Variants in USP24 observed in about 807,000 individuals in gnomAD.
The protein encoded by USP24 is ubiquitin specific peptidase 24.
A neutral mutation model predicts 361.6 loss-of-function variants in USP24; 97 were observed. The observed-to-expected ratio is 0.27, with a 90% CI of 0.23 to 0.32. The LOEUF (loss-of-function observed/expected upper bound fraction) is 0.32. Among genes scored for constraint, USP24 ranks in the 10% least tolerant of loss-of-function variants. The probability of loss-of-function intolerance (pLI) is 1.00; values close to 1 mark genes in which losing one functional copy is unlikely to be tolerated. For synonymous variants in USP24, 1,098 were observed against 1,124.6 expected, an observed-to-expected ratio of 0.98 and a Z score of 0.47; for missense variants, 2,353 against 3,165.6, an observed-to-expected ratio of 0.74 and a Z score of 6.16.
chr1:55,130,419 G>A (rs1646557888), intron 31 of USP24, among the ~76,000 whole-genome samples: 1 of 152,118 alleles, frequency 6.6e-6, no homozygotes, highest in Non-Finnish European at 1.5e-5. Context: ...CAAGTACTCA[G>A]TAAACAACTG....
intron 1 of USP24, 37 bp from the exon 2 acceptor site, chr1:55,178,169 CTAAT>C (rs1650179843): frequency 1.3e-6 from 2 of 1,485,370 alleles, no homozygotes; most frequent in Non-Finnish European, 9.1e-7. Flanking sequence ...GCAAATAAAA[CTAAT>C]TAGTGATTAC....
Position 55,094,101 on chromosome 1 carries a change from T to A in USP24, c.6204-14A>T. 6.2e-7 allele frequency: 1 copy of A among 1,607,074 alleles called. No homozygotes were observed. Among genetic ancestry groups the A allele is most frequent in the Non-Finnish European group, 8.5e-7 (1 of 1,176,736 alleles). ...GATGGAGCTGACCTAAGAGATAGAA[T>A]CAGAAAACTCTGTCTAGTATAAAGT... On this transcript the variant is annotated splice_polypyrimidine_tract_variant and intron_variant, in intron 51 of 67. Coordinates refer to ENST00000294383, the MANE Select transcript of USP24 (RefSeq NM_015306.3).
Position 55,147,651 on chromosome 1 carries a change from C to G in USP24, c.2116G>C (p.Glu706Gln). The change falls in exon 18 of 68, where the codon GAG becomes CAG. Residue 706 changes from glutamate (E) to glutamine (Q), a missense_variant and splice_region_variant. Physicochemically the swap from Glu to Gln is conservative, Grantham distance 29. Transcript: ENST00000294383. ...AGCAAAAACACAAGGCCTGATACCTCCCGGTAAGTGTACCGGCCATCCACT... is the reference window on the plus strand; with the variant it reads ...AGCAAAAACACAAGGCCTGATACCTGCCGGTAAGTGTACCGGCCATCCACT... The part of the protein sequence containing the change: ...TLVDGRYTYR[E>Q]YLEAHLKFLA... The G allele has an allele frequency of 1.2e-6, 2 of 1,604,966 alleles. No individual in the cohort carries two copies. The highest frequency in any genetic ancestry group is 1.7e-5 in the Admixed American group (1 of 58,128).
In USP24 at chr1:55,166,036, A is replaced by G. The variant is rs927244628; in HGVS notation, c.862-86T>C. The stretch of plus-strand genomic sequence containing the variant: ...ATTTCTATTGGTACATAGTAGGTGT[A>G]TATGTTTATGGGGCACACGAGATGT... On this transcript the variant is annotated intron_variant, in intron 6 of 67. Coordinates refer to ENST00000294383, the MANE Select transcript of USP24 (RefSeq NM_015306.3). 8 of 1,250,288 alleles carry G rather than the reference A, an allele frequency of 6.4e-6. No homozygotes were observed. The East Asian group carries it at 1.1e-4, about 16-fold the overall frequency. 77.4% of individuals were successfully genotyped at this position (1,250,288 alleles called of 1,614,324 possible).
intron 32 of USP24, among the ~76,000 whole-genome samples, chr1:55,126,393 G>A (rs1646430464): frequency 1.3e-5 from 2 of 151,918 alleles, no homozygotes; most frequent in Admixed American, 6.5e-5. Flanking sequence ...CATAGCCCCC[G>A]AATCCCTGCT....
At position 55,113,014 on chromosome 1, in the gene USP24, T is replaced by A. The variant is rs148108698; in HGVS notation, c.4509-2768A>T. ...TGTTGCATTGATATCTTTACCATTGTGTAATGCCCTTCTTTGTCTTTTTTT... is the reference window on the plus strand; with the variant it reads ...TGTTGCATTGATATCTTTACCATTGAGTAATGCCCTTCTTTGTCTTTTTTT... On this transcript the variant is annotated intron_variant, in intron 38 of 67. Transcript: ENST00000294383. Among the ~76,000 whole-genome samples, 132 of 152,332 alleles carry A rather than the reference T, an allele frequency of 8.7e-4. 1 individual carries two copies. Among genetic ancestry groups the A allele is most frequent in the Admixed American group, 2.0e-3 (30 of 15,304 alleles).
rs200720618 is a variant in USP24, at chr1:55,079,900, AACTCGCACACAGAGT to A, written c.7079-256_7079-242del. On this transcript the variant is annotated intron_variant, in intron 59 of 67. Coordinates refer to ENST00000294383, the MANE Select transcript of USP24 (RefSeq NM_015306.3). Reference sequence around the variant, plus strand: ...ACACACAGTACTCGCACACACAGAGAACTCGCACACAGAGTACTCGCACACACACTGAGTACTCAC... The same window carrying A: ...ACACACAGTACTCGCACACACAGAGAACTCGCACACACACTGAGTACTCAC... Among the ~76,000 whole-genome samples, 202 of 151,738 alleles carry A rather than the reference AACTCGCACACAGAGT, an allele frequency of 1.3e-3. 1 individual carries two copies. The East Asian group carries it at 0.024, about 18-fold the overall frequency.
intron 16 of USP24, among the ~76,000 whole-genome samples, chr1:55,150,938 C>G (rs1159891151): frequency 6.6e-6 from 1 of 152,138 alleles, no homozygotes; most frequent in African/African-American, 2.4e-5. Context: ...TAGATGAAGC[C>G]TTAGAGGTCA....
At chr1:55,184,899 A>C (rs1161932720) in intron 1 of USP24, among the ~76,000 whole-genome samples, 1 of 152,202 alleles carries the variant, frequency 6.6e-6, no homozygotes, top group Admixed American at 6.5e-5. Flanking sequence ...ATATAATATA[A>C]AACTTTTGGG....
chr1:55,129,609 C>A (rs754266418), intron 31 of USP24, 35 bp from the exon 32 acceptor site: 4 of 1,556,040 alleles, frequency 2.6e-6, no homozygotes, highest in Non-Finnish European at 2.7e-6. Flanking sequence ...TTCATCCACA[C>A]ATTTTCAGCA....
chr1:55,170,856 T>TTA (rs1272211141), intron 5 of USP24, among the ~76,000 whole-genome samples: 4 of 152,220 alleles, frequency 2.6e-5, no homozygotes, highest in African/African-American at 9.6e-5. Context: ...TTATTACTGT[T>TTA]TATATTAAAA....
At chr1:55,069,673 G>A (rs905907609) in intron 67 of USP24, among the ~76,000 whole-genome samples, 1 of 151,782 alleles carries the variant, frequency 6.6e-6, no homozygotes, top group African/African-American at 2.4e-5. Context: ...GAGTAGGGGG[G>A]CCCTGAGGTG....
At position 55,215,177 on chromosome 1, in the gene USP24, GC is replaced by G; in HGVS notation, c.-65del. 8.4e-7 allele frequency: 1 copy of G among 1,185,796 alleles called. No individual in the cohort carries two copies. The highest frequency in any genetic ancestry group is 1.0e-6 in the Non-Finnish European group (1 of 953,904). 73.5% of individuals were successfully genotyped at this position (1,185,796 alleles called of 1,614,324 possible). On this transcript the variant is annotated 5_prime_UTR_variant, in exon 1 of 68. Coordinates refer to ENST00000294383, the MANE Select transcript of USP24 (RefSeq NM_015306.3). ...AAGCTACGGGTCCCGGGCCTGGCGGGCCGCGCGGCGCACCCTCCGCGCCGCC... is the reference window on the plus strand; with the variant it reads ...AAGCTACGGGTCCCGGGCCTGGCGGGCGCGCGGCGCACCCTCCGCGCCGCC...
intron 51 of USP24, among the ~76,000 whole-genome samples, chr1:55,094,696 TAAA>T (rs35026432): frequency 1.8e-5 from 2 of 109,014 alleles, no homozygotes; most frequent in Admixed American, 1.0e-4. Flanking sequence ...CTGCTAACAT[TAAA>T]AAAAAAAAAA....
At chr1:55,113,681 C>T (rs1035736490) in intron 38 of USP24, among the ~76,000 whole-genome samples, 4 of 152,128 alleles carry the variant, frequency 2.6e-5, no homozygotes, top group South Asian at 2.1e-4. Context: ...AGCTATCCAC[C>T]ACGATCAAGT....
At position 55,215,134 on chromosome 1, in the gene USP24, C is replaced by A; in HGVS notation, c.-21G>T. ...TCCATGGCTTGGGCCTCCTGGCCGC[C>A]CCGGCCAGCGCACGGCGAAGCTACG... On this transcript the variant is annotated 5_prime_UTR_variant, in exon 1 of 68. Transcript: ENST00000294383. The A allele has an allele frequency of 8.1e-7, 1 of 1,238,712 alleles. No individual in the cohort carries two copies. The highest frequency in any genetic ancestry group is 3.2e-5 in the East Asian group (1 of 31,306). The allele number at this position is 1,238,712 out of a possible 1,614,324, so 76.7% of individuals were successfully genotyped here.
At position 55,101,564 on chromosome 1, in the gene USP24, G is replaced by T. The variant is rs758872475; in HGVS notation, c.5145+20C>A. The T allele has an allele frequency of 5.4e-5, 86 of 1,593,174 alleles. No homozygotes were observed. The East Asian group carries it at 1.9e-3, about 35-fold the overall frequency. Reference sequence around the variant, plus strand: ...CACGTATTATCTATCGTACCAAAAAGGATAGAAAAAAGAAATCACCTCAGG... The same window carrying T: ...CACGTATTATCTATCGTACCAAAAATGATAGAAAAAAGAAATCACCTCAGG... On this transcript the variant is annotated intron_variant, in intron 43 of 67. Transcript: ENST00000294383.
At chr1:55,149,313 A>C (rs912880431) in intron 16 of USP24, among the ~76,000 whole-genome samples, 2 of 152,192 alleles carry the variant, frequency 1.3e-5, no homozygotes, top group African/African-American at 4.8e-5. Flanking sequence ...ATTTGGTAAG[A>C]ATTTCAGTTT....
intron 12 of USP24, among the ~76,000 whole-genome samples, chr1:55,156,077 T>G (rs781558424): frequency 6.6e-6 from 1 of 152,188 alleles, no homozygotes; most frequent in African/African-American, 2.4e-5. Context: ...AGTGACTAAG[T>G]TGATACAGTC....
Sources: gnomAD v4.1 joint callset for allele counts (sites outside exome capture counted in the v4.1 genomes callset) on GRCh38, gnomAD v4.1.1 for gene constraint, MANE v1.5 for transcripts, NCBI Gene and HGNC (gene_info 2026-07-23, HGNC 2026-07-21) for gene names.